Variants in WDR72 observed in about 807,000 individuals in gnomAD.
The protein encoded by WDR72 is WD repeat domain 72.
WDR72 carries 120 observed loss-of-function variants against 124.2 expected under a neutral mutation model. The ratio of observed to expected loss-of-function variants is 0.97; its 90% CI spans 0.83 to 1.12. WDR72 has a LOEUF of 1.12. Among genes scored for constraint, WDR72 ranks in the 50% most tolerant of loss-of-function variants. The probability of loss-of-function intolerance (pLI) is 0.00; values close to 1 mark genes in which losing one functional copy is unlikely to be tolerated. For synonymous variants in WDR72, 452 were observed against 441.7 expected (o/e 1.02, Z -0.29); for missense variants, 1,387 against 1,278.8 (o/e 1.08, Z -1.29).
intron 14 of WDR72, among the ~76,000 whole-genome samples, chr15:53,660,000 A>T (rs1353144731): frequency 6.6e-6 from 1 of 152,064 alleles, no homozygotes; most frequent in Non-Finnish European, 1.5e-5. Context: ...CTGTTCATCA[A>T]GTGTTTGAAA....
At chr15:53,581,434 C>T (rs181631995) in intron 18 of WDR72, among the ~76,000 whole-genome samples, 16 of 151,990 alleles carry the variant, frequency 1.1e-4, no homozygotes, top group Non-Finnish European at 1.8e-4. Context: ...CTCTGTTTTG[C>T]CAGTTGTTTC....
At chr15:53,684,829 G>C (rs910960975) in intron 13 of WDR72, among the ~76,000 whole-genome samples, 3 of 152,208 alleles carry the variant, frequency 2.0e-5, no homozygotes, top group Non-Finnish European at 4.4e-5. Flanking sequence ...GCTTTGAAGA[G>C]AGCAGTGATT....
At chr15:53,741,080 T>G (rs1275811863) in intron 1 of WDR72, among the ~76,000 whole-genome samples, 1 of 152,206 alleles carries the variant, frequency 6.6e-6, no homozygotes, top group Admixed American at 6.5e-5. Context: ...AGATTATAAA[T>G]TTTCTGAGGG....
At chr15:53,552,293 T>C (rs2220382) in intron 18 of WDR72, among the ~76,000 whole-genome samples, 34,328 of 152,048 alleles carry the variant, frequency 0.23, 3,906 homozygotes, top group African/African-American at 0.26. Flanking sequence ...ACTGGGCTCA[T>C]GGATGCTACA....
intron 1 of WDR72, among the ~76,000 whole-genome samples, chr15:53,752,402 T>A (rs768527889): frequency 6.6e-6 from 1 of 152,090 alleles, no homozygotes; most frequent in Non-Finnish European, 1.5e-5. Flanking sequence ...TGACTGGTAG[T>A]CATATAAAAC....
At chr15:53,686,449 C>G (rs2016628316) in intron 13 of WDR72, among the ~76,000 whole-genome samples, 1 of 149,890 alleles carries the variant, frequency 6.7e-6, no homozygotes, top group Non-Finnish European at 1.5e-5. Flanking sequence ...CAACAAAGAT[C>G]AAAAGAGACA....
chr15:53,712,718 C>CA (rs534309005), intron 7 of WDR72, 54 bp downstream of exon 7: 63 of 1,551,384 alleles, frequency 4.1e-5, no homozygotes, highest in African/African-American at 6.9e-5. Context: ...TTGTACAAAA[C>CA]AAAAAAAATT....
At chr15:53,753,151 C>A (rs1241649866) in intron 1 of WDR72, among the ~76,000 whole-genome samples, 3 of 152,232 alleles carry the variant, frequency 2.0e-5, no homozygotes, top group Non-Finnish European at 2.9e-5. Context: ...TAGTTATCTT[C>A]TTCCTTGGCC....
chr15:53,735,936 C>T (rs1017770148), intron 1 of WDR72, among the ~76,000 whole-genome samples: 8 of 149,676 alleles, frequency 5.3e-5, no homozygotes, highest in Non-Finnish European at 1.2e-4. Context: ...AAAACATAAT[C>T]GTTAAAATAT....
At chr15:53,603,865 C>T (rs1260650121) in intron 17 of WDR72, among the ~76,000 whole-genome samples, 3 of 152,156 alleles carry the variant, frequency 2.0e-5, no homozygotes, top group African/African-American at 7.2e-5. Context: ...ATTCCATGTT[C>T]ATGAATAGGA....
At chr15:53,753,996 T>C (rs1212375152) in intron 1 of WDR72, among the ~76,000 whole-genome samples, 4 of 152,186 alleles carry the variant, frequency 2.6e-5, no homozygotes, top group African/African-American at 9.7e-5. Context: ...GAATTCATAA[T>C]GATGACATCA....
At chr15:53,586,378 G>A (rs1016771802) in intron 18 of WDR72, among the ~76,000 whole-genome samples, 1 of 152,034 alleles carries the variant, frequency 6.6e-6, no homozygotes, top group Admixed American at 6.6e-5. Context: ...GTAAGCCAAA[G>A]TTTTGAAATT....
intron 3 of WDR72, among the ~76,000 whole-genome samples, chr15:53,717,836 A>G (rs1018440639): frequency 6.6e-6 from 1 of 152,178 alleles, no homozygotes; most frequent in Admixed American, 6.6e-5. Context: ...GTTTATATCC[A>G]GCCTCATTCC....
intron 14 of WDR72, among the ~76,000 whole-genome samples, chr15:53,664,880 A>G (rs2015725079): frequency 6.6e-6 from 1 of 152,198 alleles, no homozygotes; most frequent in African/African-American, 2.4e-5. Flanking sequence ...ATATGTTTAT[A>G]TGAAAAAATA....
chr15:53,561,134 C>T (rs2129774), intron 18 of WDR72, among the ~76,000 whole-genome samples: 41,109 of 151,684 alleles, frequency 0.27, 6,039 homozygotes, highest in African/African-American at 0.4. Flanking sequence ...TTTTTACCTT[C>T]AATAAATGAG....
At chr15:53,576,833 G>T (rs745447499) in intron 18 of WDR72, among the ~76,000 whole-genome samples, 2 of 152,072 alleles carry the variant, frequency 1.3e-5, no homozygotes, top group Non-Finnish European at 2.9e-5. Flanking sequence ...ATTTAGTGTG[G>T]TTTCTCTTCC....
At chr15:53,578,940 T>G (rs568703795) in intron 18 of WDR72, among the ~76,000 whole-genome samples, 2 of 152,174 alleles carry the variant, frequency 1.3e-5, no homozygotes, top group Admixed American at 1.3e-4. Flanking sequence ...AAATGAACCA[T>G]AAAAACCCGA....
chr15:53,685,173 C>G (rs554919221), intron 13 of WDR72, among the ~76,000 whole-genome samples: 23 of 148,300 alleles, frequency 1.6e-4, no homozygotes, highest in African/African-American at 5.8e-4. Flanking sequence ...TCCAAAGGAA[C>G]GCAGTTCCTC....
chr15:53,523,215 C>T lies in WDR72; in HGVS notation c.3253+3G>A, dbSNP rs369105806. On this transcript the variant is annotated splice_donor_region_variant and intron_variant, in intron 19 of 19. Transcript: ENST00000360509. ...TACTTGACTATTTTTAAATGGCTTT[C>T]ACCTGGACTCTCAGACTCTTCCAAG... 571 of 1,612,392 alleles carry T rather than the reference C, an allele frequency of 3.5e-4. No individual in the cohort carries two copies. The highest frequency in any genetic ancestry group is 4.7e-4 in the Non-Finnish European group (556 of 1,178,966).
Sources: allele counts gnomAD v4.1 joint callset (sites outside exome capture counted in the v4.1 genomes callset), GRCh38; gene constraint gnomAD v4.1.1; transcripts MANE v1.5; gene names NCBI Gene and HGNC (gene_info 2026-07-23, HGNC 2026-07-21).